Variants in FRMPD4 observed in about 807,000 individuals in gnomAD.
FRMPD4 encodes FERM and PDZ domain-containing protein 4.
Under a neutral mutation model 94.1 loss-of-function variants are expected in FRMPD4, and 22 were observed. The observed-to-expected ratio is 0.23, with a 90% CI of 0.17 to 0.33. FRMPD4 has a LOEUF of 0.33. FRMPD4 is among the 10% of genes least tolerant of loss of function. The pLI is 1.00. For synonymous variants in FRMPD4, 631 were observed against 548.6 expected (o/e 1.15, Z -2.10); for missense variants, 1,111 against 1,339.9 (o/e 0.83, Z 2.67).
intron 1 of FRMPD4, among the ~76,000 whole-genome samples, chrX:12,334,348 C>T (rs752403380): frequency 9.0e-6 from 1 of 111,393 alleles, no homozygotes; most frequent in South Asian, 3.9e-4. Context: ...GTGTCAGGGC[C>T]AGGCCATCTA....
At chrX:12,321,630 C>A (rs370633250) in intron 1 of FRMPD4, among the ~76,000 whole-genome samples, 5 of 111,706 alleles carry the variant, frequency 4.5e-5, no homozygotes, top group African/African-American at 1.6e-4. Flanking sequence ...ACTTACAATG[C>A]GTTTATTGGG....
At chrX:12,071,995 T>C (rs1314616748) in intron 3 of FRMPD4, among the ~76,000 whole-genome samples, 3 of 111,506 alleles carry the variant, frequency 2.7e-5, no homozygotes, top group African/African-American at 9.8e-5. Context: ...TATTGTATTT[T>C]ATTAATTTAT....
intron 1 of FRMPD4, among the ~76,000 whole-genome samples, chrX:12,173,344 G>C: frequency 8.9e-6 from 1 of 112,681 alleles, no homozygotes; most frequent in Non-Finnish European, 1.9e-5. Context: ...ACCAGCCTCA[G>C]TGGAGTGTGG....
intron 1 of FRMPD4, among the ~76,000 whole-genome samples, chrX:12,156,281 G>A (rs2055935091): frequency 9.0e-6 from 1 of 111,527 alleles, no homozygotes; most frequent in African/African-American, 3.3e-5. Context: ...GTGTGAGAGA[G>A]GGCTGCAGCT....
intron 1 of FRMPD4, among the ~76,000 whole-genome samples, chrX:12,399,131 G>A (rs1406009842): frequency 9.0e-6 from 1 of 111,281 alleles, no homozygotes; most frequent in Non-Finnish European, 1.9e-5. Context: ...ACAGCACTGA[G>A]GATTGTTCAT....
chrX:12,505,271 T>C (rs2057968549), intron 2 of FRMPD4, among the ~76,000 whole-genome samples: 1 of 111,697 alleles, frequency 9.0e-6, no homozygotes. Context: ...GCAATTTTGA[T>C]GTTATTGCCT....
intron 3 of FRMPD4, among the ~76,000 whole-genome samples, chrX:11,892,107 A>G (rs2053877782): frequency 8.9e-6 from 1 of 112,338 alleles, no homozygotes; most frequent in Non-Finnish European, 1.9e-5. Context: ...GGTATATAGT[A>G]TATGTATATA....
chrX:11,899,067 A>C (rs1307439882), intron 3 of FRMPD4, among the ~76,000 whole-genome samples: 1 of 112,579 alleles, frequency 8.9e-6, no homozygotes, highest in African/African-American at 3.2e-5. Context: ...CATCAAAGCA[A>C]ATTTGAAAAA....
chrX:11,932,132 C>G (rs2054125614), intron 3 of FRMPD4, among the ~76,000 whole-genome samples: 1 of 111,879 alleles, frequency 8.9e-6, no homozygotes. Context: ...TGTTTGTCCA[C>G]TCCCTTGCCG....
chrX:12,225,916 G>A (rs1241059700), intron 1 of FRMPD4, among the ~76,000 whole-genome samples: 2 of 111,980 alleles, frequency 1.8e-5, no homozygotes, highest in African/African-American at 6.5e-5. Context: ...CACTGCTGGA[G>A]TTCAGAACAT....
At chrX:12,462,935 GC>G (rs1355599691) in intron 1 of FRMPD4, among the ~76,000 whole-genome samples, 1 of 111,586 alleles carries the variant, frequency 9.0e-6, no homozygotes, top group African/African-American at 3.3e-5. Flanking sequence ...GCTGTAGTGA[GC>G]CATGATCATA....
intron 3 of FRMPD4, among the ~76,000 whole-genome samples, chrX:12,116,283 T>C (rs2055408125): frequency 8.9e-6 from 1 of 112,428 alleles, no homozygotes; most frequent in Admixed American, 9.4e-5. Context: ...TCTCTCTTTC[T>C]CTCTTTTTGC....
At position 12,568,483 on chromosome X, in the gene FRMPD4, AACAC is replaced by A. The variant is rs752028632; in HGVS notation, c.159-41234_159-41231del. 2.0e-4 allele frequency among the ~76,000 whole-genome samples: 22 copies of A among 112,272 alleles called. No individual in the cohort carries two copies. In the East Asian group the frequency reaches 5.6e-3, roughly 28 times the overall value. On this transcript the variant is annotated intron_variant, in intron 2 of 16. Coordinates refer to ENST00000675598, the MANE Select transcript of FRMPD4 (RefSeq NM_001368397.1). ...TTAATCTCGAAGAGCTTTCCATATC[AACAC>A]ACAAAGAGCTCTTCCTCATTCTTTC...
At chrX:12,528,668 G>A (rs892616396) in intron 2 of FRMPD4, among the ~76,000 whole-genome samples, 2 of 111,374 alleles carry the variant, frequency 1.8e-5, no homozygotes, top group Non-Finnish European at 3.8e-5. Context: ...AGCCTCCATG[G>A]CCTGACCCAG....
chrX:12,499,875 T>C (rs1436019803), intron 2 of FRMPD4, among the ~76,000 whole-genome samples: 1 of 111,997 alleles, frequency 8.9e-6, no homozygotes, highest in African/African-American at 3.3e-5. Flanking sequence ...CTTTCACATC[T>C]TCTAGACACA....
rs143569009 is a variant in FRMPD4 at position 12,718,529 on chromosome X, G to A, written c.3703G>A (p.Val1235Met). The change falls in exon 16 of 17, where the codon GTG becomes ATG. Residue 1235 changes from valine (V) to methionine (M), a missense_variant. Physicochemically the swap from Val to Met is conservative, Grantham distance 21. This residue lies in a region of FRMPD4 where 551 missense variants were observed against 591.6 expected (regional missense o/e 0.93). Transcript: ENST00000675598. Reference sequence around the variant, plus strand: ...CAGTGGCAGTGCCTGTGCCACACCCGTGGAGTCGCCGCTCTGCCCCTCCCT... The same window carrying A: ...CAGTGGCAGTGCCTGTGCCACACCCATGGAGTCGCCGCTCTGCCCCTCCCT... Reference protein sequence around the residue: ...GSSGSACATPVESPLCPSLGK... With the variant: ...GSSGSACATPMESPLCPSLGK... 1,236 of 1,199,527 alleles carry A rather than the reference G, an allele frequency of 1.0e-3. No individual in the cohort carries two copies. The highest frequency in any genetic ancestry group is 1.3e-3 in the Non-Finnish European group (1,145 of 885,455).
At chrX:11,956,884 A>G (rs2054259830) in intron 3 of FRMPD4, among the ~76,000 whole-genome samples, 1 of 112,342 alleles carries the variant, frequency 8.9e-6, no homozygotes, top group Admixed American at 9.4e-5. Context: ...TGGTGCTCAG[A>G]GTCAATCAGC....
chrX:12,119,468 T>C (rs773604485), intron 3 of FRMPD4, among the ~76,000 whole-genome samples: 15 of 112,411 alleles, frequency 1.3e-4, no homozygotes, highest in African/African-American at 4.8e-4. Context: ...ATATGTTACA[T>C]GATTTAAAAT....
At chrX:12,084,279 G>A (rs889406627) in intron 3 of FRMPD4, among the ~76,000 whole-genome samples, 5 of 109,791 alleles carry the variant, frequency 4.6e-5, no homozygotes, top group East Asian at 5.8e-4. Context: ...AGGGGTTTCC[G>A]CTTTTGCTTC....
Sources: gnomAD v4.1 joint callset for allele counts (sites outside exome capture counted in the v4.1 genomes callset) on GRCh38, gnomAD v4.1.1 for gene constraint, gnomAD v4.1.1 regional missense constraint, MANE v1.5 for transcripts, NCBI Gene and HGNC (gene_info 2026-07-23, HGNC 2026-07-21) for gene names.